Variants in PHKB observed in about 807,000 individuals in gnomAD.
PHKB encodes phosphorylase kinase regulatory subunit beta.
A neutral mutation model predicts 152.1 loss-of-function variants in PHKB; 122 were observed. The observed-to-expected ratio is 0.80, with a 90% confidence interval of 0.69 to 0.93. PHKB has a LOEUF of 0.93. PHKB is among the 40% of genes least tolerant of loss of function. PHKB has a pLI of 0.00. For missense variants in PHKB, 1,304 were observed against 1,328.4 expected, an observed-to-expected ratio of 0.98 and a Z score of 0.29; for synonymous variants, 436 against 464.9, an observed-to-expected ratio of 0.94 and a Z score of 0.80.
intron 26 of PHKB, among the ~76,000 whole-genome samples, chr16:47,672,632 T>A (rs1195344976): frequency 6.6e-6 from 1 of 152,180 alleles, no homozygotes; most frequent in East Asian, 1.9e-4. Flanking sequence ...GATTTTACAC[T>A]GCTGTGTTTT....
intron 6 of PHKB, among the ~76,000 whole-genome samples, chr16:47,520,231 A>T (rs1970663037): frequency 6.6e-6 from 1 of 152,214 alleles, no homozygotes; most frequent in South Asian, 2.1e-4. Context: ...AAAAATAGAA[A>T]GATAACACTG....
At chr16:47,564,665 C>G (rs1306232334) in intron 7 of PHKB, among the ~76,000 whole-genome samples, 1 of 152,136 alleles carries the variant, frequency 6.6e-6, no homozygotes, top group Non-Finnish European at 1.5e-5. Flanking sequence ...GTCATAAGTT[C>G]TTTGCCTAGG....
chr16:47,556,851 C>T (rs1215441040), intron 7 of PHKB, among the ~76,000 whole-genome samples: 1 of 152,188 alleles, frequency 6.6e-6, no homozygotes, highest in African/African-American at 2.4e-5. Flanking sequence ...ATGGTACCAG[C>T]TCCTCCTTGT....
chr16:47,677,890 G>T, intron 26 of PHKB, among the ~76,000 whole-genome samples: 1 of 150,812 alleles, frequency 6.6e-6, no homozygotes, highest in Admixed American at 6.6e-5. Flanking sequence ...TTTAGCATTA[G>T]GTATATCTCC....
Position 47,669,440 on chromosome 16 carries a change from G to A in PHKB, c.2630+23G>A, listed in dbSNP as rs1474723622. The A allele has an allele frequency of 3.1e-6, 5 of 1,604,474 alleles. No individual in the cohort carries two copies. The African/African-American group carries it at 4.0e-5, about 13-fold the overall frequency. ...CGGGTGAGTGAAGTCCTTTGCATTTGCATAAAGAGAATTGTTCAAGTTGTC... is the reference window on the plus strand; with the variant it reads ...CGGGTGAGTGAAGTCCTTTGCATTTACATAAAGAGAATTGTTCAAGTTGTC... On this transcript the variant is annotated intron_variant, in intron 26 of 30. Transcript: ENST00000323584.
intron 13 of PHKB, among the ~76,000 whole-genome samples, chr16:47,602,542 C>CTT (rs34655174): frequency 2.0e-4 from 25 of 122,638 alleles, no homozygotes; most frequent in Non-Finnish European, 3.5e-4. Context: ...GCTTCTCTTC[C>CTT]TTTTTTTTTT....
At chr16:47,639,954 A>G (rs1972987661) in intron 14 of PHKB, among the ~76,000 whole-genome samples, 1 of 152,222 alleles carries the variant, frequency 6.6e-6, no homozygotes, top group Non-Finnish European at 1.5e-5. Context: ...TGAGGTCTTT[A>G]TCAAGTAAAA....
intron 4 of PHKB, among the ~76,000 whole-genome samples, chr16:47,507,904 T>G (rs908619886): frequency 6.6e-6 from 1 of 152,208 alleles, no homozygotes; most frequent in African/African-American, 2.4e-5. Flanking sequence ...TTTACAATAC[T>G]GTTGCAAGAG....
chr16:47,537,919 A>G (rs1399741468), intron 6 of PHKB, among the ~76,000 whole-genome samples: 3 of 150,092 alleles, frequency 2.0e-5, no homozygotes, highest in South Asian at 4.2e-4. Flanking sequence ...AGTTGAGGCA[A>G]GGTCTCTCTC....
chr16:47,535,097 C>T (rs1175089731), intron 6 of PHKB, among the ~76,000 whole-genome samples: 2 of 152,154 alleles, frequency 1.3e-5, no homozygotes, highest in African/African-American at 2.4e-5. Flanking sequence ...CTCGGTTACA[C>T]TAAAGAGTGT....
chr16:47,646,561 T>TAAAAAAAAAAAAAA (rs1456479779), intron 16 of PHKB, among the ~76,000 whole-genome samples: 1 of 104,650 alleles, frequency 9.6e-6, no homozygotes, highest in African/African-American at 4.1e-5. Flanking sequence ...AAATAAAAAA[T>TAAAAAAAAAAAAAA]AAAAAAATAA....
chr16:47,516,185 C>A (rs1447088020), intron 6 of PHKB, among the ~76,000 whole-genome samples: 1 of 152,134 alleles, frequency 6.6e-6, no homozygotes, highest in Non-Finnish European at 1.5e-5. Flanking sequence ...CTCGGCCTCC[C>A]AAAGTGCTGG....
At chr16:47,484,661 C>A (rs1390565321) in intron 1 of PHKB, among the ~76,000 whole-genome samples, 1 of 152,092 alleles carries the variant, frequency 6.6e-6, no homozygotes, top group Admixed American at 6.5e-5. Context: ...ATTCAGACTG[C>A]CATTTAATAA....
At chr16:47,664,780 A>G (rs1973508147) in intron 24 of PHKB, 105 bp from the exon 25 acceptor site, 8 of 756,308 alleles carry the variant, frequency 1.1e-5, no homozygotes, top group South Asian at 1.0e-4. Context: ...CAGATAAATC[A>G]TTAACTAGCA....
At chr16:47,496,272 G>A (rs1970230854) in intron 1 of PHKB, among the ~76,000 whole-genome samples, 1 of 150,580 alleles carries the variant, frequency 6.6e-6, no homozygotes, top group Non-Finnish European at 1.5e-5. Flanking sequence ...AAGAATGAGA[G>A]ACAGTACTTA....
rs536045175 is a variant in PHKB at position 47,567,097 on chromosome 16, C to A, written c.711-13198C>A. Among the ~76,000 whole-genome samples the A allele has an allele frequency of 5.3e-5, 8 of 152,170 alleles. No individual in the cohort carries two copies. In the East Asian group the frequency reaches 1.4e-3, roughly 26 times the overall value. ...AGGATGGTTTTTGGTTGCATATGAA[C>A]CTTAGGATTGTTTTTTTCTAAATCT... On this transcript the variant is annotated intron_variant, in intron 7 of 30. Coordinates refer to ENST00000323584, the MANE Select transcript of PHKB (RefSeq NM_000293.3).
chr16:47,680,657 C>A (rs1973833869), intron 26 of PHKB, among the ~76,000 whole-genome samples: 1 of 152,116 alleles, frequency 6.6e-6, no homozygotes, highest in South Asian at 2.1e-4. Context: ...ATTCTTCTCT[C>A]TTTTCTTCTT....
rs952012527 is a variant in PHKB, at chr16:47,700,709, G to T, written c.*1343G>T. The T allele has an allele frequency of 6.6e-6, 1 of 151,956 alleles. No individual in the cohort carries two copies. The highest frequency in any genetic ancestry group is 2.4e-5 in the African/African-American group (1 of 41,396). 9.4% of individuals were successfully genotyped at this position (151,956 alleles called of 1,614,324 possible). ...TGAGTTTGAGCCCTTGCCCCAAAGAGAGTTGTTTTTCTGATCAATCTTACT... is the reference window on the plus strand; with the variant it reads ...TGAGTTTGAGCCCTTGCCCCAAAGATAGTTGTTTTTCTGATCAATCTTACT... On this transcript the variant is annotated 3_prime_UTR_variant, in exon 31 of 31. Coordinates refer to ENST00000323584, the MANE Select transcript of PHKB (RefSeq NM_000293.3).
intron 4 of PHKB, among the ~76,000 whole-genome samples, chr16:47,507,862 G>C (rs753154475): frequency 1.1e-4 from 17 of 152,158 alleles, no homozygotes; most frequent in Admixed American, 2.0e-4. Flanking sequence ...GTTGCTGCTT[G>C]CCGTTCTTTT....
Sources: allele counts gnomAD v4.1 joint callset (sites outside exome capture counted in the v4.1 genomes callset), GRCh38; gene constraint gnomAD v4.1.1; transcripts MANE v1.5; gene names NCBI Gene and HGNC (gene_info 2026-07-23, HGNC 2026-07-21).